The following SCGN variants were observed in gnomAD, a reference collection of about 807,000 sequenced individuals.
The protein encoded by SCGN is secretagogin.
A neutral mutation model predicts 39.7 loss-of-function variants in SCGN; 30 were observed. The ratio of observed to expected loss-of-function variants is 0.76; its 90% CI spans 0.57 to 1.03. SCGN has a LOEUF of 1.03. Among genes scored for constraint, SCGN ranks in the 50% least tolerant of loss-of-function variants. The probability of loss-of-function intolerance (pLI) is 0.00; values close to 1 mark genes in which losing one functional copy is unlikely to be tolerated. For missense variants in SCGN, 353 were observed against 349.4 expected, an observed-to-expected ratio of 1.01 and a Z score of -0.08; for synonymous variants, 106 against 114.1, an observed-to-expected ratio of 0.93 and a Z score of 0.45.
chr6:25,670,331 A>G (rs1759478791), intron 6 of SCGN, among the ~76,000 whole-genome samples: 1 of 152,254 alleles, frequency 6.6e-6, no homozygotes, highest in Admixed American at 6.5e-5. Context: ...AGTCAACATT[A>G]GGTTTCTAAG....
At chr6:25,694,238 T>G (rs1273416010) in intron 10 of SCGN, among the ~76,000 whole-genome samples, 3 of 152,218 alleles carry the variant, frequency 2.0e-5, no homozygotes, top group East Asian at 1.9e-4. Context: ...TGGATAATCT[T>G]AATAATCTTC....
chr6:25,665,125 T>A, intron 4 of SCGN, 93 bp downstream of exon 4: 1 of 941,970 alleles, frequency 1.1e-6, no homozygotes, highest in Non-Finnish European at 1.7e-6. Flanking sequence ...TCCTGCCCAG[T>A]GCTCAAGGGA....
intron 6 of SCGN, among the ~76,000 whole-genome samples, chr6:25,680,325 C>G (rs1246282638): frequency 6.6e-6 from 1 of 152,142 alleles, no homozygotes; most frequent in Non-Finnish European, 1.5e-5. Context: ...TACAGAGGCC[C>G]CAGGAAAGTA....
intron 9 of SCGN, among the ~76,000 whole-genome samples, chr6:25,689,841 T>TA (rs1316977360): frequency 1.3e-5 from 2 of 152,052 alleles, no homozygotes; most frequent in East Asian, 3.9e-4. Context: ...CACAAAAACA[T>TA]ACAACCCTCC....
intron 2 of SCGN, among the ~76,000 whole-genome samples, chr6:25,657,482 G>A (rs900986341): frequency 1.3e-5 from 2 of 152,166 alleles, no homozygotes; most frequent in African/African-American, 4.8e-5. Context: ...GGTGCTTTTA[G>A]TTGCAAAAGC....
At chr6:25,689,798 T>C (rs948675582) in intron 9 of SCGN, among the ~76,000 whole-genome samples, 1 of 152,178 alleles carries the variant, frequency 6.6e-6, no homozygotes, top group Non-Finnish European at 1.5e-5. Flanking sequence ...TTTCTCCCTC[T>C]TGTAGGACTA....
intron 2 of SCGN, 93 bp downstream of exon 2, chr6:25,653,545 C>G (rs1234728139): frequency 3.4e-6 from 3 of 874,056 alleles, no homozygotes; most frequent in Non-Finnish European, 5.5e-6. Flanking sequence ...AATTCCAACT[C>G]ACCTCCTTTC....
rs750767004 is a variant in SCGN at position 25,701,228 on chromosome 6, C to T, written c.724C>T (p.Leu242Phe). ...TCAGCCCAGCATCAGCGGGGTGGAC[C>T]TTGATAAGTTCCGCGAGATTCTCCT... ...LVQPSISGVD[L>F]DKFREILLRH... is the part of the protein sequence containing the mutation. The change falls in exon 11 of 11, where the codon CTT becomes TTT. Residue 242 changes from leucine (L) to phenylalanine (F), a missense_variant. Coordinates refer to ENST00000377961, the MANE Select transcript of SCGN (RefSeq NM_006998.4). The T allele has an allele frequency of 6.2e-7, 1 of 1,612,694 alleles. No homozygotes were observed. Among genetic ancestry groups the T allele is most frequent in the Admixed American group, 1.7e-5 (1 of 59,828 alleles).
Position 25,652,248 on chromosome 6 carries a change from G to A in SCGN, c.-156G>A. 1.6e-6 allele frequency: 1 copy of A among 637,590 alleles called. No homozygotes were observed. The highest frequency in any genetic ancestry group is 2.8e-5 in the East Asian group (1 of 35,784). 39.5% of individuals were successfully genotyped at this position (637,590 alleles called of 1,614,324 possible). On this transcript the variant is annotated 5_prime_UTR_variant, in exon 1 of 11. Coordinates refer to ENST00000377961, the MANE Select transcript of SCGN (RefSeq NM_006998.4). Reference sequence around the variant, plus strand: ...CTGAGGGACGGCTCAGCGACGCCACGGCCAGCAGCGCTCGCGTCCTCCCCA... The same window carrying A: ...CTGAGGGACGGCTCAGCGACGCCACAGCCAGCAGCGCTCGCGTCCTCCCCA...
At chr6:25,692,193 T>C (rs1222504038) in intron 10 of SCGN, among the ~76,000 whole-genome samples, 1 of 152,218 alleles carries the variant, frequency 6.6e-6, no homozygotes, top group Non-Finnish European at 1.5e-5. Context: ...TTTCTATTGA[T>C]TGCTAGAGGA....
In SCGN at chr6:25,689,470, C is replaced by T. The variant is rs1759748842; in HGVS notation, c.574-3C>T. On this transcript the variant is annotated splice_region_variant and splice_polypyrimidine_tract_variant and intron_variant, in intron 8 of 10. Transcript: ENST00000377961. ...ACTGACATAATGTTTTTTCCTTACA[C>T]AGGCTTGTTCTACTGAAGAAAGGAA... The T allele has an allele frequency of 1.9e-6, 3 of 1,612,328 alleles. No individual in the cohort carries two copies. Among genetic ancestry groups the T allele is most frequent in the African/African-American group, 1.3e-5 (1 of 74,854 alleles).
intron 6 of SCGN, among the ~76,000 whole-genome samples, chr6:25,677,929 C>G (rs984413479): frequency 1.3e-5 from 2 of 152,134 alleles, no homozygotes; most frequent in African/African-American, 4.8e-5. Context: ...CAGGAAGTTA[C>G]CCAGTAATGA....
intron 2 of SCGN, among the ~76,000 whole-genome samples, chr6:25,658,401 T>C (rs1336299764): frequency 1.3e-5 from 2 of 151,736 alleles, no homozygotes; most frequent in African/African-American, 2.4e-5. Context: ...ACCATATGAG[T>C]ATGTTTGGTT....
intron 7 of SCGN, among the ~76,000 whole-genome samples, chr6:25,684,787 T>A (rs1018083210): frequency 6.6e-6 from 1 of 151,920 alleles, no homozygotes; most frequent in African/African-American, 2.4e-5. Flanking sequence ...TCTAGTTAGG[T>A]GACTGAGCAA....
chr6:25,680,090 A>G (rs1485803987), intron 6 of SCGN, among the ~76,000 whole-genome samples: 3 of 152,248 alleles, frequency 2.0e-5, no homozygotes, highest in East Asian at 3.8e-4. Flanking sequence ...TGATAATTAA[A>G]TGTAATAACA....
chr6:25,667,783 T>C lies in SCGN; in HGVS notation c.337-1728T>C, dbSNP rs1241346712. Reference sequence around the variant, plus strand: ...TTACTTTGTCTTTATTCTTTAAAGATAGGCTTATTGAATAGTCACATAAAA... The same window carrying C: ...TTACTTTGTCTTTATTCTTTAAAGACAGGCTTATTGAATAGTCACATAAAA... On this transcript the variant is annotated intron_variant, in intron 4 of 10. Coordinates refer to ENST00000377961, the MANE Select transcript of SCGN (RefSeq NM_006998.4). 3.9e-5 allele frequency among the ~76,000 whole-genome samples: 6 copies of C among 152,340 alleles called. No homozygotes were observed. In the East Asian group the frequency reaches 7.7e-4, roughly 20 times the overall value.
chr6:25,700,722 C>T (rs988780650), intron 10 of SCGN, among the ~76,000 whole-genome samples: 2 of 152,026 alleles, frequency 1.3e-5, no homozygotes, highest in Non-Finnish European at 1.5e-5. Flanking sequence ...TCTTTCTTGC[C>T]CCCTAACATA....
Position 25,681,982 on chromosome 6 carries a change from G to C in SCGN, c.503G>C (p.Arg168Pro). 1.9e-6 allele frequency: 3 copies of C among 1,613,440 alleles called. No individual in the cohort carries two copies. Among genetic ancestry groups the C allele is most frequent in the Non-Finnish European group, 2.5e-6 (3 of 1,179,464 alleles). ...ATTTTTGACAGAAATAAAGATGGTC[G>C]GTTGGATCTAAATGACTTAGCAAGG... ...MKIFDRNKDGRLDLNDLARIL... is the reference protein window; with the variant it reads ...MKIFDRNKDGPLDLNDLARIL... Residue 168 changes from arginine (R) to proline (P), a missense_variant, in exon 7 of 11, where the codon CGG becomes CCG. Arg to Pro is a moderately radical substitution (Grantham distance 103). Coordinates refer to ENST00000377961, the MANE Select transcript of SCGN (RefSeq NM_006998.4).
At chr6:25,687,725 T>C (rs758952192) in intron 7 of SCGN, among the ~76,000 whole-genome samples, 1 of 152,186 alleles carries the variant, frequency 6.6e-6, no homozygotes, top group Non-Finnish European at 1.5e-5. Context: ...AGGATTTATA[T>C]TTGCTATTTG....
Sources: gnomAD v4.1 joint callset for allele counts (sites outside exome capture counted in the v4.1 genomes callset) on GRCh38, gnomAD v4.1.1 for gene constraint, MANE v1.5 for transcripts, NCBI Gene and HGNC (gene_info 2026-07-23, HGNC 2026-07-21) for gene names.